The following RYR3 variants were observed in gnomAD, a reference collection of about 807,000 sequenced individuals.
RYR3 encodes the protein ryanodine receptor 3, also known as brain ryanodine receptor-calcium release channel.
A neutral mutation model predicts 584.3 loss-of-function variants in RYR3; 207 were observed. That is an observed-to-expected ratio of 0.35 (90% CI 0.32 to 0.40). The LOEUF is 0.40. Among genes scored for constraint, RYR3 ranks in the 10% least tolerant of loss-of-function variants. The pLI, the probability that RYR3 is intolerant of heterozygous loss-of-function variation, is 1.00. For synonymous variants in RYR3, 2,416 were observed against 2,248.5 expected (o/e 1.07, Z -2.11); for missense variants, 5,616 against 6,089.2 (o/e 0.92, Z 2.59).
At chr15:33,666,198 G>A (rs1276546535) in intron 36 of RYR3, among the ~76,000 whole-genome samples, 1 of 152,078 alleles carries the variant, frequency 6.6e-6, no homozygotes, top group Non-Finnish European at 1.5e-5. Flanking sequence ...AGAGGGGTGG[G>A]TTTCCCCATA....
Position 33,818,662 on chromosome 15 carries a change from C to G in RYR3, c.10684C>G (p.Arg3562Gly). The G allele has an allele frequency of 6.2e-7, 1 of 1,613,730 alleles. No homozygotes were observed. The highest frequency in any genetic ancestry group is 8.5e-7 in the Non-Finnish European group (1 of 1,179,754). The part of the protein sequence containing the change: ...PLHQIILYFS[R>G]NALTERSKLE... ...ACATCAGATCATTCTCTATTTTAGC[C>G]GCAACGCTCTCACGGAGAGGAGGTC... The change falls in exon 76 of 104, where the codon CGC (arginine) becomes GGC (glycine). Residue 3562 changes from arginine (R) to glycine (G), a missense_variant. Coordinates refer to ENST00000634891, the MANE Select transcript of RYR3 (RefSeq NM_001036.6).
intron 1 of RYR3, among the ~76,000 whole-genome samples, chr15:33,418,539 AG>A (rs931226223): frequency 9.9e-5 from 15 of 152,102 alleles, no homozygotes; most frequent in African/African-American, 3.6e-4. Context: ...GTGGCCAGAC[AG>A]GTAGCAAGAG....
Position 33,631,243 on chromosome 15 carries a change from T to C in RYR3, c.2817T>C (p.His939=), listed in dbSNP as rs1387604032. The change falls in exon 23 of 104, where the codon CAT becomes CAC. Residue 939 remains histidine (H), a synonymous_variant. Transcript: ENST00000634891. ...TGGCCCTGGGGTGCCACATTGCTCA[T>C]GTTAACCCAGCTGCTGAGGAGGATC... ...TLLALGCHIA[H]VNPAAEEDLK... 1 of 1,592,390 alleles carries C rather than the reference T, an allele frequency of 6.3e-7. No individual in the cohort carries two copies. The highest frequency in any genetic ancestry group is 8.6e-7 in the Non-Finnish European group (1 of 1,168,534).
chr15:33,329,858 T>C (rs1970170375), intron 1 of RYR3, among the ~76,000 whole-genome samples: 1 of 152,118 alleles, frequency 6.6e-6, no homozygotes, highest in Non-Finnish European at 1.5e-5. Context: ...ACTGTTGTAT[T>C]TGTCTGTGGC....
intron 1 of RYR3, among the ~76,000 whole-genome samples, chr15:33,402,740 G>A (rs1201602526): frequency 1.3e-5 from 2 of 152,222 alleles, no homozygotes; most frequent in Non-Finnish European, 2.9e-5. Flanking sequence ...GCCCCAGGAC[G>A]ACAATGACTC....
chr15:33,621,935 G>A (rs2060745666), intron 19 of RYR3, among the ~76,000 whole-genome samples: 1 of 152,152 alleles, frequency 6.6e-6, no homozygotes, highest in Non-Finnish European at 1.5e-5. Flanking sequence ...TGTTGTGAAA[G>A]TTTTGCCAAA....
At chr15:33,636,630 T>TTC in intron 27 of RYR3, 80 bp downstream of exon 27, 1 of 1,265,926 alleles carries the variant, frequency 7.9e-7, no homozygotes, top group South Asian at 1.4e-5. Context: ...CCTGCTCTAC[T>TTC]TCCTTATTCG....
chr15:33,617,913 T>C (rs2060531916), intron 19 of RYR3, among the ~76,000 whole-genome samples: 1 of 152,190 alleles, frequency 6.6e-6, no homozygotes, highest in Non-Finnish European at 1.5e-5. Flanking sequence ...ATAGTTTTCT[T>C]CTCAATGTGG....
At chr15:33,431,730 C>T (rs140396808) in intron 1 of RYR3, among the ~76,000 whole-genome samples, 115 of 152,208 alleles carry the variant, frequency 7.6e-4, no homozygotes, top group East Asian at 5.2e-3. Context: ...TGCACTCCTG[C>T]ACTCCAGCCT....
chr15:33,758,061 C>T (rs1407075117), intron 60 of RYR3, among the ~76,000 whole-genome samples: 1 of 152,148 alleles, frequency 6.6e-6, no homozygotes, highest in Non-Finnish European at 1.5e-5. Context: ...CCTCCCCTAG[C>T]CAAGGGAAGT....
chr15:33,490,814 C>T (rs2050905061), intron 2 of RYR3, among the ~76,000 whole-genome samples: 1 of 151,348 alleles, frequency 6.6e-6, no homozygotes, highest in Non-Finnish European at 1.5e-5. Context: ...ACAACCTTCT[C>T]TGGTCAATTT....
chr15:33,680,407 C>T (rs773364239), intron 38 of RYR3, among the ~76,000 whole-genome samples: 1 of 152,210 alleles, frequency 6.6e-6, no homozygotes, highest in Non-Finnish European at 1.5e-5. Flanking sequence ...TGAGTTCATC[C>T]AGTGGCTCTG....
At chr15:33,850,859 A>AT (rs1351082570) in intron 94 of RYR3, 3 of 152,098 alleles carry the variant, frequency 2.0e-5, no homozygotes, top group African/African-American at 7.2e-5. Context: ...GTGGTTAGTA[A>AT]TATTAATTCT....
chr15:33,798,080 TG>T (rs1347553763), intron 67 of RYR3, among the ~76,000 whole-genome samples: 15 of 101,926 alleles, frequency 1.5e-4, no homozygotes, highest in African/African-American at 5.1e-4. Flanking sequence ...TTTGTCTGTC[TG>T]TCTTTTATTT....
At chr15:33,418,774 G>A (rs1310899128) in intron 1 of RYR3, among the ~76,000 whole-genome samples, 1 of 152,052 alleles carries the variant, frequency 6.6e-6, no homozygotes, top group Admixed American at 6.6e-5. Flanking sequence ...AAAGCCAAGG[G>A]GACACATTCA....
intron 13 of RYR3, among the ~76,000 whole-genome samples, chr15:33,581,029 C>CT (rs1006146929): frequency 1.0e-3 from 105 of 102,084 alleles, no homozygotes; most frequent in Admixed American, 3.0e-3. Flanking sequence ...TCTAAATCCC[C>CT]TTTTTTTGCA....
intron 1 of RYR3, among the ~76,000 whole-genome samples, chr15:33,358,255 A>G (rs1054229136): frequency 2.6e-5 from 4 of 152,192 alleles, no homozygotes; most frequent in African/African-American, 9.6e-5. Flanking sequence ...GTCCCCAGAA[A>G]GTGCTTAGTG....
At chr15:33,751,654 C>G (rs1019755165) in intron 57 of RYR3, among the ~76,000 whole-genome samples, 9 of 151,536 alleles carry the variant, frequency 5.9e-5, no homozygotes, top group African/African-American at 1.7e-4. Flanking sequence ...AGATAGATTG[C>G]AGAAATTTTC....
chr15:33,789,816 A>T (rs2075032907), intron 67 of RYR3, among the ~76,000 whole-genome samples: 1 of 139,666 alleles, frequency 7.2e-6, no homozygotes, highest in Non-Finnish European at 1.5e-5. Flanking sequence ...CTGGGATTAC[A>T]GGCGCAGGCC....
Sources: gnomAD v4.1 joint callset for allele counts (sites outside exome capture counted in the v4.1 genomes callset) on GRCh38, gnomAD v4.1.1 for gene constraint, MANE v1.5 for transcripts, NCBI Gene and HGNC (gene_info 2026-07-23, HGNC 2026-07-21) for gene names.